The following PRRX2 variants were observed in gnomAD, a reference collection of about 807,000 sequenced individuals.
PRRX2 encodes the protein paired related homeobox 2.
In PRRX2, 11 loss-of-function variants were observed where a neutral mutation model predicts 18.0. The observed-to-expected ratio is 0.61, with a 90% confidence interval of 0.39 to 1.01. The LOEUF (loss-of-function observed/expected upper bound fraction) is 1.01. Among genes scored for constraint, PRRX2 ranks in the 50% least tolerant of loss-of-function variants. The pLI is 0.01. For missense variants in PRRX2, 387 were observed against 351.0 expected, an observed-to-expected ratio of 1.10 and a Z score of -0.82; for synonymous variants, 177 against 154.8, an observed-to-expected ratio of 1.14 and a Z score of -1.06.
chr9:129,714,196 T>G (rs1327797250), intron 1 of PRRX2, among the ~76,000 whole-genome samples: 1 of 151,516 alleles, frequency 6.6e-6, no homozygotes, highest in African/African-American at 2.4e-5. Flanking sequence ...TCCCAGCTAC[T>G]CGAGAGGCTG....
chr9:129,721,724 C>T (rs886147461), intron 3 of PRRX2, among the ~76,000 whole-genome samples: 8 of 152,138 alleles, frequency 5.3e-5, no homozygotes, highest in Non-Finnish European at 1.5e-5. Flanking sequence ...GGATTACAAA[C>T]GCCCGTCACC....
chr9:129,676,710 G>T (rs565633149), intron 1 of PRRX2, among the ~76,000 whole-genome samples: 1 of 152,310 alleles, frequency 6.6e-6, no homozygotes, highest in South Asian at 2.1e-4. Context: ...CACTAACCCT[G>T]CGGGCTTGGA....
intron 1 of PRRX2, among the ~76,000 whole-genome samples, chr9:129,676,446 G>GA (rs1484175784): frequency 2.6e-5 from 4 of 151,832 alleles, no homozygotes; most frequent in African/African-American, 9.7e-5. Flanking sequence ...GTGCTCAGAA[G>GA]AAAGAGTATC....
chr9:129,699,722 A>C (rs1832471353), intron 1 of PRRX2, among the ~76,000 whole-genome samples: 1 of 152,172 alleles, frequency 6.6e-6, no homozygotes, highest in Non-Finnish European at 1.5e-5. Flanking sequence ...ATGGCTTTCT[A>C]CATGGTCCAG....
rs565646238 is a variant in PRRX2, at chr9:129,671,005, T to G, written c.259+4879T>G. On this transcript the variant is annotated intron_variant, in intron 1 of 3. Coordinates refer to ENST00000372469, the MANE Select transcript of PRRX2 (RefSeq NM_016307.4). The surrounding 1 kb of genome is among the most constrained non-coding windows in gnomAD (Gnocchi z 4.0). Reference sequence around the variant, plus strand: ...TCCGTGTGTGACCTTGGGGGTGTCATGTCACCTCTCTGTGCCTCGTTCACC... The same window carrying G: ...TCCGTGTGTGACCTTGGGGGTGTCAGGTCACCTCTCTGTGCCTCGTTCACC... Among the ~76,000 whole-genome samples, 68 of 152,314 alleles carry G rather than the reference T, an allele frequency of 4.5e-4. No individual in the cohort carries two copies. Among genetic ancestry groups the G allele is most frequent in the African/African-American group, 1.6e-3 (67 of 41,544 alleles).
chr9:129,700,831 C>T (rs1317789931), intron 1 of PRRX2, among the ~76,000 whole-genome samples: 1 of 152,178 alleles, frequency 6.6e-6, no homozygotes, highest in Non-Finnish European at 1.5e-5. Flanking sequence ...GTTGTCCAGG[C>T]TGGTCCCAAA....
intron 1 of PRRX2, among the ~76,000 whole-genome samples, chr9:129,679,698 G>A (rs1477890815): frequency 1.3e-5 from 2 of 152,202 alleles, no homozygotes; most frequent in Non-Finnish European, 2.9e-5. Flanking sequence ...GTTCCATAAC[G>A]CTGGAGCAGG....
intron 3 of PRRX2, among the ~76,000 whole-genome samples, chr9:129,721,152 C>T (rs539166936): frequency 6.6e-6 from 1 of 152,304 alleles, no homozygotes; most frequent in South Asian, 2.1e-4. Flanking sequence ...GAGCAAAGTA[C>T]AGGCATCACC....
At chr9:129,708,385 CTCA>C (rs545694743) in intron 1 of PRRX2, among the ~76,000 whole-genome samples, 50 of 152,286 alleles carry the variant, frequency 3.3e-4, no homozygotes, top group African/African-American at 1.2e-3. Flanking sequence ...TGAAGTCTGT[CTCA>C]TCATGGTTTT....
At chr9:129,673,066 G>A (rs1000731568) in intron 1 of PRRX2, among the ~76,000 whole-genome samples, 1 of 152,154 alleles carries the variant, frequency 6.6e-6, no homozygotes, top group African/African-American at 2.4e-5. Context: ...AGCGTTAAAG[G>A]TTTGCCAAGA....
At chr9:129,705,886 TGCTG>T (rs1832551195) in intron 1 of PRRX2, among the ~76,000 whole-genome samples, 1 of 151,110 alleles carries the variant, frequency 6.6e-6, no homozygotes, top group Admixed American at 6.6e-5. Context: ...GAGCCACTCC[TGCTG>T]GCTCTCTCAC....
chr9:129,677,325 G>A (rs1832172600), intron 1 of PRRX2, among the ~76,000 whole-genome samples: 1 of 152,238 alleles, frequency 6.6e-6, no homozygotes, highest in East Asian at 1.9e-4. Context: ...AGGCTTAGAA[G>A]GATAAAGTGA....
intron 1 of PRRX2, among the ~76,000 whole-genome samples, chr9:129,697,402 A>C (rs1218060705): frequency 6.6e-6 from 1 of 151,502 alleles, no homozygotes; most frequent in African/African-American, 2.4e-5. Context: ...CGGCGCGGGC[A>C]GCGCGGGGCT....
intron 1 of PRRX2, among the ~76,000 whole-genome samples, chr9:129,677,072 A>G (rs1832169240): frequency 6.6e-6 from 1 of 152,008 alleles, no homozygotes; most frequent in African/African-American, 2.4e-5. Context: ...GATTCTCCTT[A>G]TTTGCTCATT....
chr9:129,713,975 C>T (rs1013313747), intron 1 of PRRX2, among the ~76,000 whole-genome samples: 3 of 151,730 alleles, frequency 2.0e-5, no homozygotes, highest in South Asian at 2.1e-4. Context: ...AGATGTACGA[C>T]GTTGGGCAAG....
At chr9:129,667,126 C>T (rs1588159204) in intron 1 of PRRX2, among the ~76,000 whole-genome samples, 1 of 152,250 alleles carries the variant, frequency 6.6e-6, no homozygotes, top group African/African-American at 2.4e-5. Context: ...TCCACGAGGA[C>T]GCCTGCGACA....
intron 1 of PRRX2, among the ~76,000 whole-genome samples, chr9:129,666,947 T>C (rs2119044136): frequency 6.6e-6 from 1 of 152,238 alleles, no homozygotes; most frequent in East Asian, 1.9e-4. Flanking sequence ...CCCTGAAGTG[T>C]GCCCGCCTGA....
chr9:129,700,820 T>C (rs1832484473), intron 1 of PRRX2, among the ~76,000 whole-genome samples: 1 of 152,142 alleles, frequency 6.6e-6, no homozygotes, highest in African/African-American at 2.4e-5. Flanking sequence ...GGTTTTGCCA[T>C]GTTGTCCAGG....
intron 1 of PRRX2, among the ~76,000 whole-genome samples, chr9:129,666,555 G>C (rs993636220): frequency 1.3e-5 from 2 of 149,650 alleles, no homozygotes; most frequent in African/African-American, 5.0e-5. Flanking sequence ...TCTTTGGGGG[G>C]CGAGGGTGCC....
Sources: gnomAD v4.1 joint callset for allele counts (sites outside exome capture counted in the v4.1 genomes callset) on GRCh38, gnomAD v4.1.1 for gene constraint, Gnocchi (gnomAD v3.1) non-coding constraint, MANE v1.5 for transcripts, NCBI Gene and HGNC (gene_info 2026-07-23, HGNC 2026-07-21) for gene names.